EMP2: variants seen among roughly 807,000 people sequenced by gnomAD.
EMP2 encodes the protein epithelial membrane protein 2.
Under a neutral mutation model 13.7 loss-of-function variants are expected in EMP2, and 19 were observed. The observed-to-expected ratio is 1.38, with a 90% CI of 0.97 to 2.03. The LOEUF is 2.03. Among genes scored for constraint, EMP2 ranks in the 30% most tolerant of loss-of-function variants. The pLI is 0.00. For synonymous variants in EMP2, 97 were observed against 84.7 expected (o/e 1.15, Z -0.80); for missense variants, 253 against 220.7 (o/e 1.15, Z -0.93).
At position 10,543,575 on chromosome 16, in the gene EMP2, A is replaced by G; in HGVS notation, c.164T>C (p.Phe55Ser). Residue 55 changes from phenylalanine (F) to serine (S), a missense_variant, in exon 3 of 5, where the codon TTT becomes TCT. Physicochemically the swap from Phe to Ser is radical, Grantham distance 155. Transcript: ENST00000359543. ...CTTCCTTCATTCACACTTACCTTGA[A>G]AGCTGTCATTGATGACTGTGCAATT... is the stretch of plus-strand genomic sequence containing the variant. ...NTNCTVINDS[F>S]QEYSTLQAVQ... 3.7e-6 allele frequency: 6 copies of G among 1,614,236 alleles called. No homozygotes were observed. The highest frequency in any genetic ancestry group is 5.1e-6 in the Non-Finnish European group (6 of 1,180,012).
At chr16:10,536,676 G>T (rs1050359833) in intron 4 of EMP2, among the ~76,000 whole-genome samples, 1 of 152,154 alleles carries the variant, frequency 6.6e-6, no homozygotes, top group Admixed American at 6.5e-5. Flanking sequence ...TAATACAAGT[G>T]GTACAGCACC....
Position 10,537,374 on chromosome 16 carries a change from T to G in EMP2, c.316+554A>C, listed in dbSNP as rs182326386. 7.2e-5 allele frequency among the ~76,000 whole-genome samples: 11 copies of G among 152,298 alleles called. No individual in the cohort carries two copies. The East Asian group carries it at 2.1e-3, about 29-fold the overall frequency. On this transcript the variant is annotated intron_variant, in intron 4 of 4. Coordinates refer to ENST00000359543, the MANE Select transcript of EMP2 (RefSeq NM_001424.6). ...GCCCCTGCAGCCAGCACAGGCCTGGTGCAACGTGGGCACCTCTGTCACCCA... is the reference window on the plus strand; with the variant it reads ...GCCCCTGCAGCCAGCACAGGCCTGGGGCAACGTGGGCACCTCTGTCACCCA...
At chr16:10,564,707 C>T (rs2050895766) in intron 1 of EMP2, among the ~76,000 whole-genome samples, 1 of 151,952 alleles carries the variant, frequency 6.6e-6, no homozygotes, top group Non-Finnish European at 1.5e-5. Flanking sequence ...CACCACCATT[C>T]TCAGAAAGGA....
chr16:10,565,226 G>T (rs2050899254), intron 1 of EMP2, among the ~76,000 whole-genome samples: 1 of 152,230 alleles, frequency 6.6e-6, no homozygotes, highest in African/African-American at 2.4e-5. Flanking sequence ...TCCAACGAAA[G>T]CATCTCAGAT....
chr16:10,534,632 G>A (rs1446042811), intron 4 of EMP2, among the ~76,000 whole-genome samples: 1 of 152,120 alleles, frequency 6.6e-6, no homozygotes, highest in Non-Finnish European at 1.5e-5. Context: ...TGGGTGTGAT[G>A]GTGCACACCT....
intron 1 of EMP2, among the ~76,000 whole-genome samples, chr16:10,561,592 A>G (rs1464017631): frequency 6.6e-5 from 10 of 152,226 alleles, no homozygotes; most frequent in Admixed American, 6.5e-4. Context: ...CATTGGCCGA[A>G]TTGGCAACCA....
chr16:10,538,094 G>A lies in EMP2; in HGVS notation c.170-20C>T. The A allele has an allele frequency of 6.2e-7, 1 of 1,611,540 alleles. No homozygotes were observed. The highest frequency in any genetic ancestry group is 8.5e-7 in the Non-Finnish European group (1 of 1,179,034). ...AGTACTCTGCGGGAAAAGGGCAGGGGCGCAGGACTGAGGACCTTGGCCAGC... is the reference window on the plus strand; with the variant it reads ...AGTACTCTGCGGGAAAAGGGCAGGGACGCAGGACTGAGGACCTTGGCCAGC... On this transcript the variant is annotated intron_variant, in intron 3 of 4. Coordinates refer to ENST00000359543, the MANE Select transcript of EMP2 (RefSeq NM_001424.6).
chr16:10,532,763 T>TCTTTTTTTTTTTTC lies in EMP2; in HGVS notation c.*141_*142insGAAAAAAAAAAAAG, dbSNP rs35468276. 9.4e-6 allele frequency: 2 copies of TCTTTTTTTTTTTTC among 213,610 alleles called. No individual in the cohort carries two copies. Among genetic ancestry groups the TCTTTTTTTTTTTTC allele is most frequent in the African/African-American group, 3.7e-5 (1 of 27,040 alleles). 13.2% of individuals were successfully genotyped at this position (213,610 alleles called of 1,614,324 possible). A position where few individuals can be genotyped will look rare whatever the true frequency, so the allele number is the denominator to read the frequency against. ...GGATTTTTTTTTTCTTTTTTCTTTT[T>TCTTTTTTTTTTTTC]TTTTTTTTTTTTTTTTTTTTTTTGG... On this transcript the variant is annotated 3_prime_UTR_variant, in exon 5 of 5. Transcript: ENST00000359543.
At chr16:10,557,315 C>T (rs1312320906) in intron 1 of EMP2, among the ~76,000 whole-genome samples, 2 of 151,172 alleles carry the variant, frequency 1.3e-5, no homozygotes, top group Non-Finnish European at 3.0e-5. Context: ...CGAGATCCCA[C>T]CACTGCACTC....
In EMP2 at chr16:10,533,013, G is replaced by A. The variant is rs760580990; in HGVS notation, c.396C>T (p.Pro132=). Reference sequence around the variant, plus strand: ...AGCCGTAGCTGCCTTCTCTGGTCACGGGATAGAATTTCGCGTTTTTGTCGT... The same window carrying A: ...AGCCGTAGCTGCCTTCTCTGGTCACAGGATAGAATTTCGCGTTTTTGTCGT... ...DIHDKNAKFY[P]VTREGSYGYS... is the part of the protein sequence containing the mutation. The change falls in exon 5 of 5, where the codon CCC becomes CCT. Residue 132 remains proline, a synonymous_variant. Transcript: ENST00000359543. 13 of 1,611,586 alleles carry A rather than the reference G, an allele frequency of 8.1e-6. No homozygotes were observed. Among genetic ancestry groups the A allele is most frequent in the African/African-American group, 5.4e-5 (4 of 74,756 alleles).
intron 4 of EMP2, among the ~76,000 whole-genome samples, chr16:10,534,827 C>G (rs1430971847): frequency 6.6e-6 from 1 of 152,198 alleles, no homozygotes; most frequent in African/African-American, 2.4e-5. Context: ...CTAAGATGAG[C>G]TTAGGTTCTG....
At chr16:10,533,143 C>G in intron 4 of EMP2, 51 bp from the exon 5 acceptor site, 3 of 1,428,102 alleles carry the variant, frequency 2.1e-6, no homozygotes, top group Non-Finnish European at 2.8e-6. Flanking sequence ...ACAGTGCACC[C>G]TGGGTAGCCC....
At chr16:10,578,610 C>T (rs906486423) in intron 1 of EMP2, among the ~76,000 whole-genome samples, 6 of 152,188 alleles carry the variant, frequency 3.9e-5, no homozygotes, top group Admixed American at 6.5e-5. Context: ...GGGACGCTTC[C>T]GCCTGGCCCT....
chr16:10,575,761 T>C lies in EMP2; in HGVS notation c.-61+4788A>G, dbSNP rs538955761. On this transcript the variant is annotated intron_variant, in intron 1 of 4. Coordinates refer to ENST00000359543, the MANE Select transcript of EMP2 (RefSeq NM_001424.6). ...CAAGCCACTTCCATGTGCATCAATA[T>C]ATCATCTCTTCTGATCCACAGACAG... is the stretch of plus-strand genomic sequence containing the variant. Among the ~76,000 whole-genome samples, 9 of 152,174 alleles carry C rather than the reference T, an allele frequency of 5.9e-5. No individual in the cohort carries two copies. The South Asian group carries it at 1.9e-3, about 32-fold the overall frequency.
intron 1 of EMP2, among the ~76,000 whole-genome samples, chr16:10,561,184 CAT>C (rs2050868688): frequency 6.6e-6 from 1 of 151,660 alleles, no homozygotes; most frequent in East Asian, 1.9e-4. Context: ...GAAGAGGGCA[CAT>C]GATTCTAGTG....
intron 1 of EMP2, among the ~76,000 whole-genome samples, chr16:10,556,923 C>T (rs1389054722): frequency 6.6e-6 from 1 of 152,186 alleles, no homozygotes; most frequent in African/African-American, 2.4e-5. Context: ...AGAGAGGGCA[C>T]AAGGCAGTAT....
chr16:10,574,127 G>T (rs1434398283), intron 1 of EMP2, among the ~76,000 whole-genome samples: 1 of 151,614 alleles, frequency 6.6e-6, no homozygotes, highest in Non-Finnish European at 1.5e-5. Context: ...TGGTAGAGAT[G>T]GGGTTTCACT....
rs374301738 is a variant in EMP2, at chr16:10,559,875, A to G, written c.-60-12198T>C. On this transcript the variant is annotated intron_variant, in intron 1 of 4. Coordinates refer to ENST00000359543, the MANE Select transcript of EMP2 (RefSeq NM_001424.6). ...TTTTTAGTAAAGACGGAGTGTCACC[A>G]TGTTGGCCAGGCTGGTCTTGAACTC... 1.7e-4 allele frequency among the ~76,000 whole-genome samples: 26 copies of G among 152,140 alleles called. No homozygotes were observed. The South Asian group carries it at 5.4e-3, about 32-fold the overall frequency.
chr16:10,552,317 A>G (rs1169019779), intron 1 of EMP2, among the ~76,000 whole-genome samples: 2 of 152,186 alleles, frequency 1.3e-5, no homozygotes, highest in East Asian at 3.9e-4. Context: ...ACATGTAACT[A>G]AAACTTTCTA....
Sources: allele counts gnomAD v4.1 joint callset (sites outside exome capture counted in the v4.1 genomes callset), GRCh38; gene constraint gnomAD v4.1.1; transcripts MANE v1.5; gene names NCBI Gene and HGNC (gene_info 2026-07-23, HGNC 2026-07-21).